PCM1: variants seen among roughly 807,000 people sequenced by gnomAD.
PCM1 encodes the protein pericentriolar material 1, also known as pericentriolar material 1 protein.
A neutral mutation model predicts 241.9 loss-of-function variants in PCM1; 157 were observed. That is an observed-to-expected ratio of 0.65 (90% CI 0.57 to 0.74). PCM1 has a LOEUF of 0.74. PCM1 is among the 30% of genes least tolerant of loss of function. The pLI, the probability that PCM1 is intolerant of heterozygous loss-of-function variation, is 0.00. For synonymous variants in PCM1, 1,085 were observed against 784.9 expected (o/e 1.38, Z -6.39); for missense variants, 3,478 against 2,360.1 (o/e 1.47, Z -9.81).
rs373502456 is a variant in PCM1, at chr8:17,968,762, G to GTGTGTATATA, written c.3413-814_3413-813insGTGTATATAT. ...TGTGTGTGTGTGTGTGTGTGTGTGT[G>GTGTGTATATA]TATATATATATATATACACACCACA... On this transcript the variant is annotated intron_variant, in intron 21 of 38. Transcript: ENST00000325083. Among the ~76,000 whole-genome samples, 468 of 136,752 alleles carry GTGTGTATATA rather than the reference G, an allele frequency of 3.4e-3. 1 individual carries two copies. Among genetic ancestry groups the GTGTGTATATA allele is most frequent in the African/African-American group, 1.0e-2 (363 of 36,430 alleles). The allele number at this position is 136,752 out of a possible 152,430, so 89.7% of individuals were successfully genotyped here. A position where few individuals can be genotyped will look rare whatever the true frequency, so the allele number is the denominator to read the frequency against.
In PCM1 at chr8:17,956,687, A is replaced by G. The variant is rs1295227348; in HGVS notation, c.1556A>G (p.Asp519Gly). 1.9e-6 allele frequency: 3 copies of G among 1,601,252 alleles called. No homozygotes were observed. In the South Asian group the frequency reaches 3.3e-5, roughly 18 times the overall value. ...YYEQTSDMMT[D>G]AVNENRKDEE... Reference sequence around the variant, plus strand: ...GAACAAACGTCAGACATGATGACAGATGCTGTGAATGAAAACAGGAAAGAT... The same window carrying G: ...GAACAAACGTCAGACATGATGACAGGTGCTGTGAATGAAAACAGGAAAGAT... The change falls in exon 11 of 39, where the codon GAT (aspartate) becomes GGT (glycine). Residue 519 changes from aspartate to glycine, a missense_variant. Transcript: ENST00000325083.
chr8:17,991,627 T>A lies in PCM1; in HGVS notation c.4617T>A (p.Asn1539Lys). 1.3e-6 allele frequency: 2 copies of A among 1,579,874 alleles called. No individual in the cohort carries two copies. Among genetic ancestry groups the A allele is most frequent in the South Asian group, 2.3e-5 (2 of 86,128 alleles). Residue 1539 changes from asparagine (N) to lysine (K), a missense_variant, in exon 28 of 39, where the codon AAT becomes AAA. By Grantham distance (94) the Asn-to-Lys change is moderately conservative (BLOSUM62 0). Transcript: ENST00000325083. ...AGACTGAGGCTGAAAGTAACTCAAATATGAGATGCACCTGCAGGATTATTG... is the reference window on the plus strand; with the variant it reads ...AGACTGAGGCTGAAAGTAACTCAAAAATGAGATGCACCTGCAGGATTATTG... ...RMKTEAESNS[N>K]MRCTCRIIED...
intron 3 of PCM1, among the ~76,000 whole-genome samples, chr8:17,936,864 A>G (rs1272329805): frequency 6.6e-6 from 1 of 152,176 alleles, no homozygotes; most frequent in Non-Finnish European, 1.5e-5. Flanking sequence ...ATTCAGATTG[A>G]TTTTAGGGTT....
intron 36 of PCM1, among the ~76,000 whole-genome samples, chr8:18,018,842 G>A (rs1479445509): frequency 0.094 from 2,461 of 26,224 alleles, 67 homozygotes; most frequent in East Asian, 0.13. Flanking sequence ...ATATATATGT[G>A]TGTGTGTGTG....
At chr8:17,961,816 T>G (rs1274307418) in intron 15 of PCM1, among the ~76,000 whole-genome samples, 3 of 152,194 alleles carry the variant, frequency 2.0e-5, no homozygotes, top group Admixed American at 6.5e-5. Context: ...CCCTGTTGTT[T>G]CTGTTGTTTC....
chr8:17,931,725 C>G (rs999651351), intron 2 of PCM1, among the ~76,000 whole-genome samples: 1 of 152,126 alleles, frequency 6.6e-6, no homozygotes, highest in African/African-American at 2.4e-5. Context: ...TTAAATATGG[C>G]ATCACTTCTG....
At chr8:17,962,007 T>C in intron 15 of PCM1, 27 bp from the exon 16 acceptor site, 1 of 1,589,756 alleles carries the variant, frequency 6.3e-7, no homozygotes, top group Non-Finnish European at 8.6e-7. Context: ...TAATTCCTCA[T>C]AACGTTTTTT....
rs139572986 is a variant in PCM1, at chr8:17,985,404, G to T, written c.4109-43G>T. 1.7e-3 allele frequency: 2,227 copies of T among 1,345,782 alleles called. 30 individuals are homozygous for T. In the African/African-American group the frequency reaches 0.029, roughly 17 times the overall value. The allele number at this position is 1,345,782 out of a possible 1,614,324, so 83.4% of individuals were successfully genotyped here. A position where few individuals can be genotyped will look rare whatever the true frequency, so the allele number is the denominator to read the frequency against. ...CTAGCTAATAAAAGTTGTCATGAAG[G>T]TACTTCATCAATATTAACTTTCTGG... On this transcript the variant is annotated intron_variant, in intron 24 of 38. Coordinates refer to ENST00000325083, the MANE Select transcript of PCM1 (RefSeq NM_006197.4).
At chr8:17,941,182 C>T (rs559123200) in intron 6 of PCM1, among the ~76,000 whole-genome samples, 4 of 152,006 alleles carry the variant, frequency 2.6e-5, no homozygotes, top group Non-Finnish European at 4.4e-5. Flanking sequence ...TACAGTGGTG[C>T]GAGGCATAAT....
intron 5 of PCM1, 34 bp downstream of exon 5, chr8:17,939,043 C>T (rs773859607): frequency 6.2e-7 from 1 of 1,604,954 alleles, no homozygotes; most frequent in East Asian, 2.2e-5. Context: ...TCATTCTTTA[C>T]ACAAACCTCA....
intron 1 of PCM1, among the ~76,000 whole-genome samples, chr8:17,923,489 C>T (rs188959409): frequency 7.2e-5 from 11 of 152,318 alleles, no homozygotes; most frequent in Admixed American, 7.2e-4. Context: ...TGTTCTGCGT[C>T]CCGGTGGCTC....
rs745994446 is a variant in PCM1, at chr8:18,011,179, A to G, written c.5221-58A>G. ...TCATTATTAATACGATAGACTTACT[A>G]TATACCTTTTACACATGTACTTTAA... On this transcript the variant is annotated intron_variant, in intron 32 of 38. Coordinates refer to ENST00000325083, the MANE Select transcript of PCM1 (RefSeq NM_006197.4). The G allele has an allele frequency of 3.3e-5, 41 of 1,248,690 alleles. No homozygotes were observed. In the Admixed American group the frequency reaches 3.9e-4, roughly 12 times the overall value. The allele number at this position is 1,248,690 out of a possible 1,614,324, so 77.4% of individuals were successfully genotyped here.
At position 17,989,913 on chromosome 8, in the gene PCM1, G is replaced by A. The variant is rs1293817712; in HGVS notation, c.4465G>A (p.Asp1489Asn). ...RETHKISEQN[D>N]ADNASVLSVS... ...AACCCATAAAATAAGTGAGCAAAAT[G>A]ATGCTGATAATGCTAGTGTCCTGTC... is the stretch of plus-strand genomic sequence containing the variant. Residue 1489 changes from aspartate to asparagine, a missense_variant, in exon 27 of 39, where the codon GAT becomes AAT. Asp to Asn is a conservative substitution (Grantham distance 23). Coordinates refer to ENST00000325083, the MANE Select transcript of PCM1 (RefSeq NM_006197.4). 1 of 1,546,450 alleles carries A rather than the reference G, an allele frequency of 6.5e-7. No individual in the cohort carries two copies. The highest frequency in any genetic ancestry group is 8.7e-7 in the Non-Finnish European group (1 of 1,143,468).
Position 17,923,370 on chromosome 8 carries a change from C to T in PCM1, c.-91+182C>T, listed in dbSNP as rs557465588. On this transcript the variant is annotated intron_variant, in intron 1 of 38. Transcript: ENST00000325083. ...CCCTAGGCGGTCAGTCCGCCCGCTCCCTCAGGACTGATCGCCGGGATCCCC... is the reference window on the plus strand; with the variant it reads ...CCCTAGGCGGTCAGTCCGCCCGCTCTCTCAGGACTGATCGCCGGGATCCCC... Among the ~76,000 whole-genome samples, 17 of 152,332 alleles carry T rather than the reference C, an allele frequency of 1.1e-4. No individual in the cohort carries two copies. The South Asian group carries it at 2.5e-3, about 22-fold the overall frequency.
chr8:17,962,264 G>T, intron 16 of PCM1, 90 bp downstream of exon 16: 1 of 1,064,044 alleles, frequency 9.4e-7, no homozygotes, highest in Non-Finnish European at 1.3e-6. Context: ...AAAGGAAACT[G>T]AATATCCTTG....
intron 35 of PCM1, 123 bp from the exon 36 acceptor site, chr8:18,014,461 C>T: frequency 1.4e-6 from 1 of 722,596 alleles, no homozygotes; most frequent in Non-Finnish European, 2.0e-6. Flanking sequence ...TTGTAGTTGC[C>T]TTTTCTTTTT....
At chr8:17,983,234 A>G (rs1314966012) in intron 24 of PCM1, 2 of 1,319,546 alleles carry the variant, frequency 1.5e-6, no homozygotes, top group East Asian at 8.2e-5. Context: ...TTCCTACAGC[A>G]CATGCTAGGA....
intron 22 of PCM1, among the ~76,000 whole-genome samples, chr8:17,970,112 T>A (rs901447340): frequency 9.2e-5 from 14 of 152,168 alleles, no homozygotes; most frequent in Non-Finnish European, 1.6e-4. Flanking sequence ...TAGCTCTTGA[T>A]TAGAATCACT....
At chr8:17,939,924 T>C in intron 6 of PCM1, 63 bp downstream of exon 6, 1 of 1,140,916 alleles carries the variant, frequency 8.8e-7, no homozygotes, top group Non-Finnish European at 1.3e-6. Flanking sequence ...TATTTACTGA[T>C]GACATTCTGA....
Sources: allele counts gnomAD v4.1 joint callset (sites outside exome capture counted in the v4.1 genomes callset), GRCh38; gene constraint gnomAD v4.1.1; transcripts MANE v1.5; gene names NCBI Gene and HGNC (gene_info 2026-07-23, HGNC 2026-07-21).